Variants in R3HCC1L observed in about 807,000 individuals in gnomAD.
R3HCC1L encodes coiled-coil domain-containing protein R3HCC1L.
Under a neutral mutation model 59.9 loss-of-function variants are expected in R3HCC1L, and 51 were observed. The ratio of observed to expected loss-of-function variants is 0.85; its 90% CI spans 0.68 to 1.07. The LOEUF (loss-of-function observed/expected upper bound fraction) is 1.07, where lower values mean the gene tolerates loss of function less well. R3HCC1L is among the 50% of genes least tolerant of loss of function. The probability of loss-of-function intolerance (pLI) is 0.00; values close to 1 mark genes in which losing one functional copy is unlikely to be tolerated. For missense variants in R3HCC1L, 965 were observed against 933.0 expected, an observed-to-expected ratio of 1.03 and a Z score of -0.45; for synonymous variants, 322 against 315.2, an observed-to-expected ratio of 1.02 and a Z score of -0.23.
At chr10:98,147,605 C>T in intron 1 of R3HCC1L, among the ~76,000 whole-genome samples, 1 of 151,988 alleles carries the variant, frequency 6.6e-6, no homozygotes, top group East Asian at 1.9e-4. Flanking sequence ...AACATAGGTC[C>T]TAGTTTCATC....
chr10:98,230,862 G>A (rs186004480), intron 5 of R3HCC1L, among the ~76,000 whole-genome samples: 156 of 152,014 alleles, frequency 1.0e-3, no homozygotes, highest in African/African-American at 3.7e-3. Flanking sequence ...TTTATAGGAC[G>A]GTAGAATTTT....
At chr10:98,150,520 CT>C (rs879667993) in intron 1 of R3HCC1L, among the ~76,000 whole-genome samples, 57 of 146,904 alleles carry the variant, frequency 3.9e-4, no homozygotes, top group East Asian at 4.0e-4. Context: ...TTTTCTTTTT[CT>C]TTTTTTTTTT....
At chr10:98,166,813 G>T (rs10786398) in intron 4 of R3HCC1L, among the ~76,000 whole-genome samples, 38,075 of 151,874 alleles carry the variant, frequency 0.25, 5,648 homozygotes, top group South Asian at 0.42. Context: ...CTACAGGTGC[G>T]TGCCACCATG....
chr10:98,185,394 G>A lies in R3HCC1L; in HGVS notation c.-15+21997G>A, dbSNP rs190532216. On this transcript the variant is annotated intron_variant, in intron 4 of 9. Coordinates refer to ENST00000298999, the MANE Select transcript of R3HCC1L (RefSeq NM_001351015.2). ...TTATACTAAAGTAATGATAAGAGCT[G>A]TAGTAGGAGATGTATATGGAAGGAG... is the stretch of plus-strand genomic sequence containing the variant. Among the ~76,000 whole-genome samples the A allele has an allele frequency of 4.4e-3, 672 of 152,264 alleles. 10 individuals carry two copies. The highest frequency in any genetic ancestry group is 0.01 in the Admixed American group (159 of 15,278).
intron 4 of R3HCC1L, among the ~76,000 whole-genome samples, chr10:98,200,452 CT>C (rs1377089121): frequency 1.3e-5 from 2 of 152,038 alleles, no homozygotes; most frequent in Non-Finnish European, 2.9e-5. Context: ...TAATAGCTGA[CT>C]TTTATGGAGA....
chr10:98,152,233 A>C lies in R3HCC1L; in HGVS notation c.-267-3860A>C, dbSNP rs528027659. ...GCCTCCCGAGGTGCCGGGATTGCAG[A>C]CGGAGTCTTGTTCACTCAGTGCTCA... On this transcript the variant is annotated intron_variant, in intron 1 of 9. Coordinates refer to ENST00000298999, the MANE Select transcript of R3HCC1L (RefSeq NM_001351015.2). 3.1e-4 allele frequency among the ~76,000 whole-genome samples: 47 copies of C among 152,310 alleles called. No individual in the cohort carries two copies. In the South Asian group the frequency reaches 7.7e-3, roughly 25 times the overall value.
At chr10:98,217,867 T>C (rs1467788461) in intron 5 of R3HCC1L, among the ~76,000 whole-genome samples, 1 of 152,194 alleles carries the variant, frequency 6.6e-6, no homozygotes, top group African/African-American at 2.4e-5. Flanking sequence ...TTGGCTGACT[T>C]TGTATCTGGT....
chr10:98,170,974 G>C (rs1413526648), intron 4 of R3HCC1L, among the ~76,000 whole-genome samples: 1 of 152,178 alleles, frequency 6.6e-6, no homozygotes, highest in African/African-American at 2.4e-5. Context: ...GCTTTCAGAT[G>C]ACCTATGGGC....
chr10:98,175,501 C>G (rs2134434998), intron 4 of R3HCC1L, among the ~76,000 whole-genome samples: 1 of 152,244 alleles, frequency 6.6e-6, no homozygotes, highest in South Asian at 2.1e-4. Context: ...TTCTGGCAAC[C>G]AGTGGTATGT....
At chr10:98,174,953 A>T (rs994293640) in intron 4 of R3HCC1L, among the ~76,000 whole-genome samples, 2 of 152,222 alleles carry the variant, frequency 1.3e-5, no homozygotes, top group African/African-American at 4.8e-5. Flanking sequence ...AACCGTTCAA[A>T]TTAAAAATAT....
At chr10:98,157,277 T>G (rs1299154818) in intron 2 of R3HCC1L, among the ~76,000 whole-genome samples, 1 of 152,196 alleles carries the variant, frequency 6.6e-6, no homozygotes, top group Non-Finnish European at 1.5e-5. Context: ...GTGGGTACCT[T>G]TCAGTATAGA....
chr10:98,145,704 C>T (rs1473923445), intron 1 of R3HCC1L, among the ~76,000 whole-genome samples: 2 of 152,210 alleles, frequency 1.3e-5, no homozygotes, highest in Non-Finnish European at 2.9e-5. Context: ...GTAATCCCAG[C>T]ACTTTGGGAG....
chr10:98,188,419 T>A (rs956173810), intron 4 of R3HCC1L, among the ~76,000 whole-genome samples: 1 of 152,096 alleles, frequency 6.6e-6, no homozygotes, highest in Non-Finnish European at 1.5e-5. Context: ...TAGAACTACA[T>A]CTCAAAAGGA....
At chr10:98,143,489 T>A (rs1441947671) in intron 1 of R3HCC1L, among the ~76,000 whole-genome samples, 5 of 152,234 alleles carry the variant, frequency 3.3e-5, no homozygotes, top group Non-Finnish European at 7.3e-5. Flanking sequence ...GTGACATTGC[T>A]GTTCTTTGCC....
At chr10:98,194,890 C>T (rs1851255793) in intron 4 of R3HCC1L, among the ~76,000 whole-genome samples, 1 of 152,070 alleles carries the variant, frequency 6.6e-6, no homozygotes, top group South Asian at 2.1e-4. Flanking sequence ...TGGCACAGCT[C>T]CTATGGAAAA....
At chr10:98,219,745 T>C (rs549619235) in intron 5 of R3HCC1L, among the ~76,000 whole-genome samples, 1 of 152,332 alleles carries the variant, frequency 6.6e-6, no homozygotes, top group African/African-American at 2.4e-5. Flanking sequence ...TTTATTGTTG[T>C]TCCCATCTGA....
intron 4 of R3HCC1L, among the ~76,000 whole-genome samples, chr10:98,196,628 A>C (rs1358304498): frequency 6.6e-6 from 1 of 152,020 alleles, no homozygotes; most frequent in Admixed American, 6.6e-5. Context: ...ATCAGTCCAT[A>C]AAGTTTTGTT....
chr10:98,150,724 G>A (rs928126122), intron 1 of R3HCC1L, among the ~76,000 whole-genome samples: 1 of 152,142 alleles, frequency 6.6e-6, no homozygotes, highest in Non-Finnish European at 1.5e-5. Flanking sequence ...CTACAGCGTG[G>A]TGCTGCTGAA....
chr10:98,236,953 G>A (rs189881457), intron 9 of R3HCC1L, among the ~76,000 whole-genome samples: 2 of 152,222 alleles, frequency 1.3e-5, no homozygotes, highest in Non-Finnish European at 2.9e-5. Flanking sequence ...TCCACTTACC[G>A]AAAAGTAACT....
Sources: gnomAD v4.1 joint callset for allele counts (sites outside exome capture counted in the v4.1 genomes callset) on GRCh38, gnomAD v4.1.1 for gene constraint, MANE v1.5 for transcripts, NCBI Gene and HGNC (gene_info 2026-07-23, HGNC 2026-07-21) for gene names.